SMOC2: variants seen among roughly 807,000 people sequenced by gnomAD.
The protein encoded by SMOC2 is SPARC related modular calcium binding 2.
Under a neutral mutation model 61.4 loss-of-function variants are expected in SMOC2, and 39 were observed. The ratio of observed to expected loss-of-function variants is 0.64; its 90% CI spans 0.49 to 0.83. SMOC2 has a LOEUF of 0.83. Ranked by LOEUF, SMOC2 falls within the 40% of genes least tolerant of loss-of-function variation. The pLI is 0.00. For missense variants in SMOC2, 556 were observed against 592.9 expected (o/e 0.94, Z 0.65); for synonymous variants, 247 against 239.9 (o/e 1.03, Z -0.27).
intron 7 of SMOC2, among the ~76,000 whole-genome samples, chr6:168,560,287 T>C (rs557344438): frequency 6.6e-6 from 1 of 152,328 alleles, no homozygotes; most frequent in South Asian, 2.1e-4. Context: ...GGCTATTGTG[T>C]TTCAGATGAA....
intron 12 of SMOC2, chr6:168,665,151 G>GT (rs1175489700): frequency 4.6e-6 from 1 of 218,074 alleles, no homozygotes; most frequent in East Asian, 1.5e-4. Context: ...ACCTCCAGAA[G>GT]TTGTTTTCAT....
At chr6:168,460,449 C>T (rs577906253) in intron 1 of SMOC2, among the ~76,000 whole-genome samples, 2 of 152,214 alleles carry the variant, frequency 1.3e-5, no homozygotes, top group Non-Finnish European at 2.9e-5. Flanking sequence ...AAACATTTTA[C>T]GTCTGTCTTA....
rs916221187 is a variant in SMOC2, at chr6:168,544,703, A to T, written c.511+1031A>T. Among the ~76,000 whole-genome samples the T allele has an allele frequency of 6.6e-6, 1 of 152,096 alleles. No individual in the cohort carries two copies. The highest frequency in any genetic ancestry group is 1.5e-5 in the Non-Finnish European group (1 of 68,028). ...CAAAAACAAAATAATAAAAATAAAA[A>T]TCGGAGTTTTATTCAACCAATCCCT... On this transcript the variant is annotated intron_variant, in intron 5 of 12. Transcript: ENST00000356284. The surrounding 1 kb of genome is among the most constrained non-coding windows in gnomAD (Gnocchi z 4.1).
At chr6:168,534,768 GC>G (rs1227988465) in intron 4 of SMOC2, among the ~76,000 whole-genome samples, 1 of 152,030 alleles carries the variant, frequency 6.6e-6, no homozygotes, top group Non-Finnish European at 1.5e-5. Flanking sequence ...TTGTACTGGA[GC>G]CTCACATGAG....
intron 2 of SMOC2, among the ~76,000 whole-genome samples, chr6:168,515,677 G>C (rs143660728): frequency 0.039 from 1,078 of 27,706 alleles, 15 homozygotes; most frequent in African/African-American, 0.081. Context: ...CACACTGTTA[G>C]TCACTTACAC....
intron 9 of SMOC2, among the ~76,000 whole-genome samples, chr6:168,624,880 CACAA>C (rs1315696166): frequency 6.6e-6 from 1 of 151,814 alleles, no homozygotes; most frequent in African/African-American, 2.4e-5. Context: ...GAAACACACA[CACAA>C]ACACAGATAC....
intron 3 of SMOC2, 30 bp from the exon 4 acceptor site, chr6:168,527,598 A>G (rs751621004): frequency 6.6e-7 from 1 of 1,508,168 alleles, no homozygotes; most frequent in South Asian, 1.2e-5. Context: ...CGGGCCCGGG[A>G]GGGCTTACCC....
chr6:168,462,706 A>G (rs540913589), intron 1 of SMOC2, among the ~76,000 whole-genome samples: 1 of 152,240 alleles, frequency 6.6e-6, no homozygotes, highest in African/African-American at 2.4e-5. Flanking sequence ...AAGAATAGTT[A>G]GTGACTTCAG....
chr6:168,478,663 G>C (rs1397814600), intron 1 of SMOC2, among the ~76,000 whole-genome samples: 1 of 152,178 alleles, frequency 6.6e-6, no homozygotes. Flanking sequence ...TGCTGCCATG[G>C]GAGAGAGACA....
chr6:168,488,882 G>C (rs1329692678), intron 1 of SMOC2, among the ~76,000 whole-genome samples: 1 of 142,558 alleles, frequency 7.0e-6, no homozygotes, highest in Non-Finnish European at 1.6e-5. Flanking sequence ...CAAATCGTCT[G>C]GGTCCCCTTG....
At chr6:168,554,095 C>T (rs189884486) in intron 7 of SMOC2, among the ~76,000 whole-genome samples, 3 of 151,984 alleles carry the variant, frequency 2.0e-5, no homozygotes, top group Non-Finnish European at 2.9e-5. Context: ...AGGATTATTC[C>T]ATGGGACGAG....
chr6:168,555,302 A>G (rs550903856), intron 7 of SMOC2, among the ~76,000 whole-genome samples: 1 of 151,978 alleles, frequency 6.6e-6, no homozygotes, highest in Non-Finnish European at 1.5e-5. Context: ...AAATTCACCC[A>G]CTCTTGTCTC....
chr6:168,526,054 C>A (rs1783444942), intron 2 of SMOC2, among the ~76,000 whole-genome samples: 1 of 152,122 alleles, frequency 6.6e-6, no homozygotes, highest in African/African-American at 2.4e-5. Context: ...CAGGGATAAG[C>A]TAGGAGGCCT....
At chr6:168,490,451 T>G (rs1278414170) in intron 1 of SMOC2, among the ~76,000 whole-genome samples, 1 of 152,134 alleles carries the variant, frequency 6.6e-6, no homozygotes, top group Non-Finnish European at 1.5e-5. Flanking sequence ...GAGGGGACCT[T>G]TCACTGGGCA....
At chr6:168,536,731 G>A (rs995190127) in intron 4 of SMOC2, among the ~76,000 whole-genome samples, 1 of 152,092 alleles carries the variant, frequency 6.6e-6, no homozygotes, top group Non-Finnish European at 1.5e-5. Flanking sequence ...CCACCCCCTG[G>A]GGGTACTGTG....
At chr6:168,473,931 G>C (rs1401261589) in intron 1 of SMOC2, among the ~76,000 whole-genome samples, 1 of 152,100 alleles carries the variant, frequency 6.6e-6, no homozygotes, top group South Asian at 2.1e-4. Flanking sequence ...TGGAGACAGA[G>C]TCTTGTCCCT....
At chr6:168,582,815 C>T (rs1458964200) in intron 7 of SMOC2, among the ~76,000 whole-genome samples, 15 of 152,212 alleles carry the variant, frequency 9.9e-5, no homozygotes, top group Admixed American at 9.8e-4. Flanking sequence ...TCAAACGAAC[C>T]GACACGCACG....
In SMOC2 at chr6:168,612,319, G is replaced by A. The variant is rs112203385; in HGVS notation, c.907+4080G>A. 7.0e-5 allele frequency among the ~76,000 whole-genome samples: 9 copies of A among 128,340 alleles called. 1 individual carries two copies. Among genetic ancestry groups the A allele is most frequent in the African/African-American group, 2.7e-4 (9 of 33,760 alleles). The allele number at this position is 128,340 out of a possible 152,430, so 84.2% of individuals were successfully genotyped here. On this transcript the variant is annotated intron_variant, in intron 9 of 12. Coordinates refer to ENST00000356284, the MANE Select transcript of SMOC2 (RefSeq NM_001166412.2). ...AGCCTTTACTCAAACAGCAGCGCTG[G>A]GTTCGTGATCTCCATCAGGGGAGAG...
At position 168,664,384 on chromosome 6, in the gene SMOC2, C is replaced by CTTTTTTTT. The variant is rs750178882; in HGVS notation, c.1323+298_1323+305dup. 1.8e-5 allele frequency: 5 copies of CTTTTTTTT among 283,078 alleles called. No individual in the cohort carries two copies. The African/African-American group carries it at 2.0e-4, about 11-fold the overall frequency. The allele number at this position is 283,078 out of a possible 1,614,324, so 17.5% of individuals were successfully genotyped here. A position where few individuals can be genotyped will look rare whatever the true frequency, so the allele number is the denominator to read the frequency against. On this transcript the variant is annotated intron_variant, in intron 12 of 12. Transcript: ENST00000356284. The stretch of plus-strand genomic sequence containing the variant: ...TTCTGAGTTTCCTTGTTTGGTAGAT[C>CTTTTTTTT]TTTTTTTTTTTTTTTTTTTTTTTTT...
Sources: gnomAD v4.1 joint callset for allele counts (sites outside exome capture counted in the v4.1 genomes callset) on GRCh38, gnomAD v4.1.1 for gene constraint, Gnocchi (gnomAD v3.1) non-coding constraint, MANE v1.5 for transcripts, NCBI Gene and HGNC (gene_info 2026-07-23, HGNC 2026-07-21) for gene names.